The following EPHA7 variants were observed in gnomAD, a reference collection of about 807,000 sequenced individuals.
The protein encoded by EPHA7 is EPH receptor A7, also known as ephrin type-A receptor 7.
EPHA7 carries 25 observed loss-of-function variants against 112.6 expected under a neutral mutation model. That is an observed-to-expected ratio of 0.22 (90% CI 0.16 to 0.31). EPHA7 has a LOEUF of 0.31. Among genes scored for constraint, EPHA7 ranks in the 10% least tolerant of loss-of-function variants. The pLI, the probability that EPHA7 is intolerant of heterozygous loss-of-function variation, is 1.00. For synonymous variants in EPHA7, 437 were observed against 406.5 expected (o/e 1.07, Z -0.90); for missense variants, 962 against 1,212.6 (o/e 0.79, Z 3.07).
intron 5 of EPHA7, among the ~76,000 whole-genome samples, chr6:93,336,198 T>C (rs1774863138): frequency 6.6e-6 from 1 of 152,210 alleles, no homozygotes; most frequent in South Asian, 2.1e-4. Context: ...ACATAACTTA[T>C]ATTTTAAGGT....
chr6:93,398,621 TGAAAA>T (rs1356213461), intron 3 of EPHA7, among the ~76,000 whole-genome samples: 4 of 151,700 alleles, frequency 2.6e-5, no homozygotes, highest in African/African-American at 7.3e-5. Flanking sequence ...GAACAGGGAT[TGAAAA>T]GAAGAGACAC....
At chr6:93,386,625 G>A (rs1360228027) in intron 3 of EPHA7, among the ~76,000 whole-genome samples, 3 of 152,276 alleles carry the variant, frequency 2.0e-5, no homozygotes, top group African/African-American at 7.2e-5. Context: ...TGGGGAGTCT[G>A]TGTGGGAGCT....
intron 3 of EPHA7, among the ~76,000 whole-genome samples, chr6:93,370,117 G>A (rs1233198306): frequency 3.9e-5 from 6 of 152,066 alleles, no homozygotes; most frequent in East Asian, 3.9e-4. Flanking sequence ...AAAAGTATAC[G>A]AATGAAATTA....
intron 5 of EPHA7, among the ~76,000 whole-genome samples, chr6:93,273,358 T>C (rs553205828): frequency 1.3e-5 from 2 of 152,040 alleles, no homozygotes; most frequent in South Asian, 4.1e-4. Context: ...TTCTGTAAAA[T>C]ATTTTCAGGC....
chr6:93,403,105 G>A (rs555454546), intron 3 of EPHA7, among the ~76,000 whole-genome samples: 5 of 152,142 alleles, frequency 3.3e-5, no homozygotes, highest in Admixed American at 3.3e-4. Context: ...TATTTGCTAT[G>A]AGGAAAATGG....
chr6:93,342,558 A>C (rs1326472749), intron 5 of EPHA7, among the ~76,000 whole-genome samples: 2 of 151,808 alleles, frequency 1.3e-5, no homozygotes, highest in African/African-American at 2.4e-5. Flanking sequence ...TAGAGTTATA[A>C]ATTAGATAAA....
At chr6:93,418,515 C>T (rs1298533998) in intron 1 of EPHA7, among the ~76,000 whole-genome samples, 3 of 152,218 alleles carry the variant, frequency 2.0e-5, no homozygotes, top group Non-Finnish European at 4.4e-5. Flanking sequence ...CCCCTGCCTC[C>T]ACGGCCCGAC....
chr6:93,367,703 T>A (rs879685181), intron 3 of EPHA7, among the ~76,000 whole-genome samples: 13 of 152,042 alleles, frequency 8.6e-5, no homozygotes, highest in Non-Finnish European at 1.3e-4. Flanking sequence ...AAGTTCTGAG[T>A]CCAGTTTTCC....
chr6:93,352,443 A>G (rs1459551551), intron 5 of EPHA7, among the ~76,000 whole-genome samples: 1 of 152,120 alleles, frequency 6.6e-6, no homozygotes, highest in Admixed American at 6.6e-5. Context: ...ATACTCTTAC[A>G]TCTAGCAAAA....
chr6:93,283,674 AG>A (rs1453101501), intron 5 of EPHA7, among the ~76,000 whole-genome samples: 1 of 152,160 alleles, frequency 6.6e-6, no homozygotes, highest in Non-Finnish European at 1.5e-5. Context: ...ACCAGAAGGA[AG>A]AAACTCCAAA....
intron 3 of EPHA7, among the ~76,000 whole-genome samples, chr6:93,364,948 T>G (rs1427355040): frequency 6.6e-6 from 1 of 152,216 alleles, no homozygotes; most frequent in Non-Finnish European, 1.5e-5. Flanking sequence ...AGGAGATTTT[T>G]GATACATTTT....
At chr6:93,395,257 T>C (rs1778109779) in intron 3 of EPHA7, among the ~76,000 whole-genome samples, 2 of 151,922 alleles carry the variant, frequency 1.3e-5, no homozygotes, top group Non-Finnish European at 2.9e-5. Context: ...GACCAATACA[T>C]GTTTTAATAA....
chr6:93,414,627 T>A (rs1779135191), intron 2 of EPHA7, 76 bp downstream of exon 2: 2 of 1,115,716 alleles, frequency 1.8e-6, no homozygotes, highest in Non-Finnish European at 2.7e-6. Context: ...AGAGTGTGAA[T>A]AATTACCCTG....
intron 3 of EPHA7, among the ~76,000 whole-genome samples, chr6:93,394,648 CT>C (rs1261663748): frequency 6.6e-6 from 1 of 151,674 alleles, no homozygotes; most frequent in African/African-American, 2.4e-5. Flanking sequence ...AAGTTCACTT[CT>C]TTAATAAGTA....
chr6:93,356,599 TAATC>T, intron 5 of EPHA7, 114 bp downstream of exon 5: 2 of 939,756 alleles, frequency 2.1e-6, no homozygotes, highest in Non-Finnish European at 1.6e-6. Context: ...AAGCTGTAAA[TAATC>T]AACAAGCTGG....
intron 3 of EPHA7, among the ~76,000 whole-genome samples, chr6:93,373,119 AT>A (rs1272209090): frequency 6.6e-6 from 1 of 152,018 alleles, no homozygotes; most frequent in African/African-American, 2.4e-5. Flanking sequence ...AACAGAAGAT[AT>A]ATTTGTATTT....
rs1774178325 is a variant in EPHA7 at position 93,323,548 on chromosome 6, G to A, written c.1324+33169C>T. Among the ~76,000 whole-genome samples, 3 of 151,526 alleles carry A rather than the reference G, an allele frequency of 2.0e-5. No homozygotes were observed. The South Asian group carries it at 6.2e-4, about 31-fold the overall frequency. On this transcript the variant is annotated intron_variant, in intron 5 of 16. Coordinates refer to ENST00000369303, the MANE Select transcript of EPHA7 (RefSeq NM_004440.4). The stretch of plus-strand genomic sequence containing the variant: ...TAAGTTTTAACACACAAAGTAGCAT[G>A]TTTTTCCTGGCCTACTAGAATCAAG...
intron 3 of EPHA7, among the ~76,000 whole-genome samples, chr6:93,406,409 G>A (rs533589958): frequency 3.3e-5 from 5 of 151,632 alleles, no homozygotes; most frequent in African/African-American, 4.8e-5. Flanking sequence ...CAGGCATATC[G>A]GGCATATGGT....
At chr6:93,359,324 A>T (rs1776120150) in intron 3 of EPHA7, among the ~76,000 whole-genome samples, 1 of 151,602 alleles carries the variant, frequency 6.6e-6, no homozygotes, top group Admixed American at 6.6e-5. Flanking sequence ...TTCAATGAAA[A>T]TTTAGCAAGT....
Sources: gnomAD v4.1 joint callset for allele counts (sites outside exome capture counted in the v4.1 genomes callset) on GRCh38, gnomAD v4.1.1 for gene constraint, MANE v1.5 for transcripts, NCBI Gene and HGNC (gene_info 2026-07-23, HGNC 2026-07-21) for gene names.